LRRC4C: variants seen among roughly 807,000 people sequenced by gnomAD.
LRRC4C encodes the protein leucine rich repeat containing 4C, also known as leucine-rich repeat-containing protein 4C.
In LRRC4C, 5 loss-of-function variants were observed where a neutral mutation model predicts 33.6. The ratio of observed to expected loss-of-function variants is 0.15; its 90% confidence interval spans 0.08 to 0.31. LRRC4C has a LOEUF of 0.31. Among genes scored for constraint, LRRC4C ranks in the 10% least tolerant of loss-of-function variants. LRRC4C has a pLI of 1.00. For missense variants in LRRC4C, 560 were observed against 796.7 expected, an observed-to-expected ratio of 0.70 and a Z score of 3.58; for synonymous variants, 329 against 302.0, an observed-to-expected ratio of 1.09 and a Z score of -0.93.
rs140500181 is a variant in LRRC4C, at chr11:41,086,214, T to C, written c.-495-152491A>G. On this transcript the variant is annotated intron_variant, in intron 1 of 6. Coordinates refer to ENST00000528697, the MANE Select transcript of LRRC4C (RefSeq NM_001258419.2). ...TTTCATTATTTCAAAGAACAATAGA[T>C]GTGTTATAAAGTTGCATTATTTAAG... Among the ~76,000 whole-genome samples, 23 of 152,264 alleles carry C rather than the reference T, an allele frequency of 1.5e-4. No homozygotes were observed. The East Asian group carries it at 4.2e-3, about 28-fold the overall frequency.
intron 1 of LRRC4C, among the ~76,000 whole-genome samples, chr11:40,950,726 C>T (rs909805886): frequency 6.6e-6 from 1 of 151,882 alleles, no homozygotes; most frequent in South Asian, 2.1e-4. Flanking sequence ...TCCCCATACC[C>T]AAGTAAGTTT....
chr11:40,143,948 A>C (rs1857545457), intron 5 of LRRC4C, among the ~76,000 whole-genome samples: 1 of 152,146 alleles, frequency 6.6e-6, no homozygotes, highest in African/African-American at 2.4e-5. Flanking sequence ...TCTGGAGAAA[A>C]TGGAGATTAC....
At chr11:40,362,020 C>A (rs913298697) in intron 3 of LRRC4C, among the ~76,000 whole-genome samples, 4 of 152,112 alleles carry the variant, frequency 2.6e-5, no homozygotes, top group African/African-American at 9.7e-5. Context: ...GGAAAGGATT[C>A]CCTATTCAAT....
chr11:40,880,164 GA>G (rs1955097658), intron 2 of LRRC4C, among the ~76,000 whole-genome samples: 2 of 152,112 alleles, frequency 1.3e-5, no homozygotes, highest in South Asian at 4.1e-4. Context: ...CCAGACCTGA[GA>G]GGGGGGAAGA....
chr11:41,367,244 T>C, intron 1 of LRRC4C, among the ~76,000 whole-genome samples: 1 of 152,210 alleles, frequency 6.6e-6, no homozygotes, highest in South Asian at 2.1e-4. Context: ...TCCATTCCTA[T>C]AACATGCCTC....
intron 2 of LRRC4C, among the ~76,000 whole-genome samples, chr11:40,813,494 A>G (rs1951578819): frequency 6.6e-6 from 1 of 152,092 alleles, no homozygotes; most frequent in South Asian, 2.1e-4. Flanking sequence ...CACCCTTGAC[A>G]TGTGGGGATT....
chr11:40,671,690 A>ATG (rs10644064), intron 2 of LRRC4C, among the ~76,000 whole-genome samples: 24 of 149,216 alleles, frequency 1.6e-4, no homozygotes, highest in South Asian at 8.5e-4. Flanking sequence ...GTATATATAT[A>ATG]TGTGTGTATA....
At chr11:41,011,494 T>C (rs936833985) in intron 1 of LRRC4C, among the ~76,000 whole-genome samples, 1 of 152,176 alleles carries the variant, frequency 6.6e-6, no homozygotes, top group Admixed American at 6.5e-5. Flanking sequence ...ATTTTCTGTT[T>C]TTGTTATTTG....
rs150433326 is a variant in LRRC4C, at chr11:40,352,360, A to G, written c.-269-32639T>C. ...ACAATACTAATTGCAATAACAAACA[A>G]ACAAGCAAAGAGAAAACTGATAAAA... is the stretch of plus-strand genomic sequence containing the variant. On this transcript the variant is annotated intron_variant, in intron 3 of 6. Coordinates refer to ENST00000528697, the MANE Select transcript of LRRC4C (RefSeq NM_001258419.2). Among the ~76,000 whole-genome samples, 1,428 of 152,192 alleles carry G rather than the reference A, an allele frequency of 9.4e-3. 22 individuals carry two copies. The highest frequency in any genetic ancestry group is 0.033 in the African/African-American group (1,378 of 41,564).
chr11:40,984,350 GAGAAAGAAAGA>G (rs1852778199), intron 1 of LRRC4C, among the ~76,000 whole-genome samples: 5 of 96,192 alleles, frequency 5.2e-5, no homozygotes, highest in African/African-American at 1.9e-4. Flanking sequence ...AAGTAGGAAA[GAGAAAGAAAGA>G]AAAAAGAAAG....
intron 2 of LRRC4C, among the ~76,000 whole-genome samples, chr11:40,905,131 G>T (rs1037846152): frequency 8.5e-5 from 13 of 152,126 alleles, no homozygotes; most frequent in Non-Finnish European, 1.8e-4. Flanking sequence ...AATTAAAGGG[G>T]GTGGAATAGG....
chr11:40,884,309 A>G lies in LRRC4C; in HGVS notation c.-407+49326T>C, dbSNP rs566909456. Reference sequence around the variant, plus strand: ...GTGCTACATTTTCTTTATCCAGTCTATCATTGATGGGCATTTGGGTTGGTT... The same window carrying G: ...GTGCTACATTTTCTTTATCCAGTCTGTCATTGATGGGCATTTGGGTTGGTT... On this transcript the variant is annotated intron_variant, in intron 2 of 6. Transcript: ENST00000528697. Among the ~76,000 whole-genome samples the G allele has an allele frequency of 1.2e-4, 18 of 152,190 alleles. No homozygotes were observed. In the South Asian group the frequency reaches 3.5e-3, roughly 30 times the overall value.
chr11:40,214,387 T>C (rs1863826726), intron 5 of LRRC4C, among the ~76,000 whole-genome samples: 1 of 152,144 alleles, frequency 6.6e-6, no homozygotes, highest in South Asian at 2.1e-4. Flanking sequence ...CCCTATTACA[T>C]ATTTCTTTTT....
chr11:41,320,705 CT>C (rs1179233425), intron 1 of LRRC4C, among the ~76,000 whole-genome samples: 1 of 152,146 alleles, frequency 6.6e-6, no homozygotes, highest in African/African-American at 2.4e-5. Flanking sequence ...ACCCCTTGCT[CT>C]TTTTTTCCAT....
At chr11:41,206,504 C>A (rs1008938850) in intron 1 of LRRC4C, among the ~76,000 whole-genome samples, 11 of 152,174 alleles carry the variant, frequency 7.2e-5, no homozygotes, top group Admixed American at 1.3e-4. Context: ...CCTTGAAGAG[C>A]TGTAACTTTG....
At chr11:41,202,059 C>T (rs1946422065) in intron 1 of LRRC4C, among the ~76,000 whole-genome samples, 1 of 152,168 alleles carries the variant, frequency 6.6e-6, no homozygotes, top group East Asian at 1.9e-4. Context: ...CATTATTTTA[C>T]TCCCTGCCCC....
chr11:40,510,693 A>G (rs2135132608), intron 3 of LRRC4C, among the ~76,000 whole-genome samples: 1 of 152,272 alleles, frequency 6.6e-6, no homozygotes, highest in African/African-American at 2.4e-5. Flanking sequence ...TCACAATGTG[A>G]GTGCTTGAAA....
rs115984733 is a variant in LRRC4C, at chr11:41,452,717, C to T, written c.-496+6714G>A. 3.4e-3 allele frequency among the ~76,000 whole-genome samples: 524 copies of T among 152,154 alleles called. 3 individuals are homozygous for T. The highest frequency in any genetic ancestry group is 0.012 in the African/African-American group (493 of 41,542). ...CACTCTTTTTCCATCATGTCCCCCA[C>T]TGACATCAATATGTTGAAAGATAAT... On this transcript the variant is annotated intron_variant, in intron 1 of 6. Coordinates refer to ENST00000528697, the MANE Select transcript of LRRC4C (RefSeq NM_001258419.2).
chr11:40,385,406 A>G (rs1326637236), intron 3 of LRRC4C, among the ~76,000 whole-genome samples: 1 of 152,230 alleles, frequency 6.6e-6, no homozygotes, highest in Non-Finnish European at 1.5e-5. Flanking sequence ...GATCCTAAAC[A>G]TATGTCAAAT....
Sources: gnomAD v4.1 joint callset for allele counts (sites outside exome capture counted in the v4.1 genomes callset) on GRCh38, gnomAD v4.1.1 for gene constraint, MANE v1.5 for transcripts, NCBI Gene and HGNC (gene_info 2026-07-23, HGNC 2026-07-21) for gene names.